The following DDO variants were observed in gnomAD, a reference collection of about 807,000 sequenced individuals.
The protein encoded by DDO is D-aspartate oxidase.
DDO carries 16 observed loss-of-function variants against 16.8 expected under a neutral mutation model. That is an observed-to-expected ratio of 0.95 (90% CI 0.65 to 1.45). The LOEUF is 1.45. Ranked by LOEUF, DDO falls within the 40% of genes most tolerant of loss-of-function variation. DDO has a pLI of 0.00. For synonymous variants in DDO, 180 were observed against 167.2 expected (o/e 1.08, Z -0.59); for missense variants, 429 against 420.3 (o/e 1.02, Z -0.18).
In DDO at chr6:110,415,564, G is replaced by T. The variant is rs773987261; in HGVS notation, c.-102C>A. 6.2e-7 allele frequency: 1 copy of T among 1,613,494 alleles called. No homozygotes were observed. Among genetic ancestry groups the T allele is most frequent in the Non-Finnish European group, 8.5e-7 (1 of 1,179,836 alleles). On this transcript the variant is annotated 5_prime_UTR_variant, in exon 1 of 5. Coordinates refer to ENST00000368924, the MANE Select transcript of DDO (RefSeq NM_001372108.2). ...GGTCTCATGCCCTGAGAGACAGAGA[G>T]AAAGCGAAACTGATTCCCATTGGTG... is the stretch of plus-strand genomic sequence containing the variant.
At chr6:110,403,818 T>C (rs1476817397) in intron 4 of DDO, among the ~76,000 whole-genome samples, 2 of 152,222 alleles carry the variant, frequency 1.3e-5, no homozygotes, top group African/African-American at 2.4e-5. Context: ...CAATAGACCA[T>C]GAAATTATTT....
In DDO at chr6:110,407,427, G is replaced by A. The variant is rs370968845; in HGVS notation, c.281+907C>T. Among the ~76,000 whole-genome samples, 141 of 152,196 alleles carry A rather than the reference G, an allele frequency of 9.3e-4. 1 individual carries two copies. The highest frequency in any genetic ancestry group is 3.4e-3 in the African/African-American group (140 of 41,518). On this transcript the variant is annotated intron_variant, in intron 3 of 4. Coordinates refer to ENST00000368924, the MANE Select transcript of DDO (RefSeq NM_001372108.2). ...TCATCTTGGTGTTTGTGATGGTGAG[G>A]AAAAACAAGAAGAGAAAAAGGGTAG...
intron 4 of DDO, among the ~76,000 whole-genome samples, chr6:110,394,352 C>G (rs1217725354): frequency 6.6e-6 from 1 of 152,176 alleles, no homozygotes; most frequent in Non-Finnish European, 1.5e-5. Flanking sequence ...GTCGATCCAC[C>G]TGCCTCTGCC....
At chr6:110,415,572 AACTGATTCCCATTGGTG>A in exon 1 of DDO, 1 of 1,612,990 alleles carries the variant, frequency 6.2e-7, no homozygotes, top group Non-Finnish European at 8.5e-7. Flanking sequence ...GAGAAAGCGA[AACTGATTCCCATTGGTG>A]ACTTGATTCA....
At chr6:110,413,163 A>G (rs1352710985) in intron 2 of DDO, 128 bp downstream of exon 2, 2 of 1,079,460 alleles carry the variant, frequency 1.9e-6, no homozygotes, top group Non-Finnish European at 2.6e-6. Flanking sequence ...AAAAAGAGGA[A>G]AGGAAAAAGA....
At chr6:110,400,029 GTTGCCGTC>G in intron 4 of DDO, among the ~76,000 whole-genome samples, 1 of 152,314 alleles carries the variant, frequency 6.6e-6, no homozygotes, top group East Asian at 1.9e-4. Flanking sequence ...GGCCGATGGC[GTTGCCGTC>G]CTCGCAGCCC....
At chr6:110,414,598 G>C (rs1450568668) in intron 1 of DDO, among the ~76,000 whole-genome samples, 1 of 152,236 alleles carries the variant, frequency 6.6e-6, no homozygotes, top group East Asian at 1.9e-4. Flanking sequence ...GCCTGCCTTT[G>C]CTTCCCTGTT....
downstream of DDO, among the ~76,000 whole-genome samples, chr6:110,390,717 A>G (rs2114801347): frequency 1.3e-5 from 2 of 152,364 alleles, no homozygotes; most frequent in Admixed American, 1.3e-4. Context: ...AATTCTACCT[A>G]TTCTGAACAG....
intron 2 of DDO, among the ~76,000 whole-genome samples, chr6:110,409,059 C>T (rs1773760001): frequency 6.6e-6 from 1 of 152,198 alleles, no homozygotes; most frequent in African/African-American, 2.4e-5. Context: ...ACCTTCCACA[C>T]CATGGAATCA....
rs183021853 is a variant in DDO at position 110,412,001 on chromosome 6, C to G, written c.172+1290G>C. Among the ~76,000 whole-genome samples the G allele has an allele frequency of 1.2e-4, 18 of 152,270 alleles. No individual in the cohort carries two copies. In the East Asian group the frequency reaches 3.5e-3, roughly 29 times the overall value. The stretch of plus-strand genomic sequence containing the variant: ...CATGCCAGCAGATTACAGGTGTGAG[C>G]CACCATGCCCCACCAGTGGGAGGAT... On this transcript the variant is annotated intron_variant, in intron 2 of 4. Coordinates refer to ENST00000368924, the MANE Select transcript of DDO (RefSeq NM_001372108.2).
At chr6:110,412,083 T>C (rs1019005787) in intron 2 of DDO, among the ~76,000 whole-genome samples, 29 of 152,168 alleles carry the variant, frequency 1.9e-4, no homozygotes, top group African/African-American at 7.0e-4. Flanking sequence ...TTGTCTCTAC[T>C]AAAAATACAA....
At chr6:110,398,042 T>G (rs1162817144) in intron 4 of DDO, among the ~76,000 whole-genome samples, 1 of 152,132 alleles carries the variant, frequency 6.6e-6, no homozygotes, top group African/African-American at 2.4e-5. Context: ...ATGATGACTT[T>G]CCTCTTGGGG....
chr6:110,396,715 G>C (rs1054258710), intron 4 of DDO, among the ~76,000 whole-genome samples: 6 of 149,434 alleles, frequency 4.0e-5, no homozygotes, highest in African/African-American at 1.5e-4. Context: ...TTGTTTGTTT[G>C]TTTGTTTTAT....
In DDO at chr6:110,392,295, C is replaced by T. The variant is rs893530915; in HGVS notation, c.*480G>A. 7.1e-6 allele frequency: 7 copies of T among 985,610 alleles called. No individual in the cohort carries two copies. In the African/African-American group the frequency reaches 1.2e-4, roughly 17 times the overall value. 61.1% of individuals were successfully genotyped at this position (985,610 alleles called of 1,614,324 possible). A position where few individuals can be genotyped will look rare whatever the true frequency, so the allele number is the denominator to read the frequency against. ...GATTTAAATGTTTTCCATACATTAT[C>T]TCCTCCTGTGGATTTATAAGCCAAA... is the stretch of plus-strand genomic sequence containing the variant. On this transcript the variant is annotated 3_prime_UTR_variant, in exon 5 of 5. Transcript: ENST00000368924.
Position 110,413,418 on chromosome 6 carries a change from C to T in DDO, c.45G>A (p.Gly15=), listed in dbSNP as rs971113760. 2.0e-5 allele frequency: 33 copies of T among 1,613,844 alleles called. No homozygotes were observed. The highest frequency in any genetic ancestry group is 2.7e-5 in the Non-Finnish European group (32 of 1,180,018). The change falls in exon 2 of 5, where the codon GGG becomes GGA. Residue 15 remains glycine (G), a synonymous_variant. Transcript: ENST00000368924. ...RIAVVGAGVV[G]LSTAVCISKL... ...TGGAGATGCACACAGCCGTGGAGAG[C>T]CCCACCACACCTGCCCCGACAACTG...
chr6:110,412,300 A>G (rs1773886457), intron 2 of DDO, among the ~76,000 whole-genome samples: 1 of 152,214 alleles, frequency 6.6e-6, no homozygotes, highest in Non-Finnish European at 1.5e-5. Flanking sequence ...ATACATATTA[A>G]CTAATTATGA....
chr6:110,403,205 A>T (rs954027466), intron 4 of DDO, among the ~76,000 whole-genome samples: 2 of 152,058 alleles, frequency 1.3e-5, no homozygotes, highest in Non-Finnish European at 2.9e-5. Flanking sequence ...ATTTCCACTT[A>T]CCTAAATTTT....
chr6:110,388,695 AG>A (rs1329998884), downstream of DDO: 4 of 587,210 alleles, frequency 6.8e-6, no homozygotes, highest in African/African-American at 8.1e-5. Context: ...TGGCAATGAC[AG>A]GGCTCAAAGC....
intron 4 of DDO, among the ~76,000 whole-genome samples, chr6:110,401,280 G>A (rs1049754791): frequency 6.6e-6 from 1 of 152,070 alleles, no homozygotes; most frequent in African/African-American, 2.4e-5. Context: ...AAAATTTCAG[G>A]GGACAGAGGA....
Sources: gnomAD v4.1 joint callset for allele counts (sites outside exome capture counted in the v4.1 genomes callset) on GRCh38, gnomAD v4.1.1 for gene constraint, MANE v1.5 for transcripts, NCBI Gene and HGNC (gene_info 2026-07-23, HGNC 2026-07-21) for gene names.